LMBRD1: variants seen among roughly 807,000 people sequenced by gnomAD.
LMBRD1 encodes the protein lysosomal cobalamin transport escort protein LMBD1.
A neutral mutation model predicts 74.8 loss-of-function variants in LMBRD1; 64 were observed. The ratio of observed to expected loss-of-function variants is 0.86; its 90% CI spans 0.70 to 1.05. The LOEUF (loss-of-function observed/expected upper bound fraction) is 1.05, where lower values mean the gene tolerates loss of function less well. Among genes scored for constraint, LMBRD1 ranks in the 50% least tolerant of loss-of-function variants. LMBRD1 has a pLI of 0.00. For missense variants in LMBRD1, 652 were observed against 645.9 expected (o/e 1.01, Z -0.10); for synonymous variants, 204 against 216.3 (o/e 0.94, Z 0.50).
In LMBRD1 at chr6:69,692,048, A is replaced by G. The variant is rs547646436; in HGVS notation, c.1417+5515T>C. On this transcript the variant is annotated intron_variant, in intron 14 of 15. Coordinates refer to ENST00000649934, the MANE Select transcript of LMBRD1 (RefSeq NM_018368.4). ...TTTACTTATTCTTTCTTACATTATT[A>G]TTTACAATAATTCTCATTTTCCCCC... Among the ~76,000 whole-genome samples the G allele has an allele frequency of 2.6e-5, 4 of 152,196 alleles. No individual in the cohort carries two copies. In the East Asian group the frequency reaches 7.7e-4, roughly 29 times the overall value.
chr6:69,695,894 A>G (rs749890280), intron 14 of LMBRD1, among the ~76,000 whole-genome samples: 76 of 147,712 alleles, frequency 5.1e-4, no homozygotes, highest in Non-Finnish European at 2.2e-4. Flanking sequence ...CCTGGGTCAG[A>G]GTGCAGTGGC....
intron 9 of LMBRD1, among the ~76,000 whole-genome samples, chr6:69,709,615 G>A (rs1766340108): frequency 6.6e-6 from 1 of 152,148 alleles, no homozygotes; most frequent in Non-Finnish European, 1.5e-5. Context: ...TAAGGAAGAA[G>A]TAAAACTGTC....
chr6:69,785,318 G>A (rs1765922860), intron 2 of LMBRD1, among the ~76,000 whole-genome samples: 1 of 152,114 alleles, frequency 6.6e-6, no homozygotes, highest in Non-Finnish European at 1.5e-5. Flanking sequence ...AGTCTTCCCA[G>A]CTGCTAGTCA....
intron 14 of LMBRD1, among the ~76,000 whole-genome samples, chr6:69,697,302 T>G (rs931502394): frequency 1.3e-5 from 2 of 151,794 alleles, no homozygotes; most frequent in Admixed American, 1.3e-4. Flanking sequence ...CACTTAAGAG[T>G]GATTTCTTAT....
intron 7 of LMBRD1, among the ~76,000 whole-genome samples, chr6:69,722,348 G>C (rs1228628850): frequency 2.0e-5 from 3 of 151,914 alleles, no homozygotes; most frequent in Non-Finnish European, 2.9e-5. Context: ...ATCATGTGAA[G>C]GTACAAAATT....
At chr6:69,758,732 CA>C (rs1328063476) in intron 3 of LMBRD1, among the ~76,000 whole-genome samples, 1 of 152,120 alleles carries the variant, frequency 6.6e-6, no homozygotes, top group Non-Finnish European at 1.5e-5. Flanking sequence ...ATTCCTGAAA[CA>C]GAATTTGGTA....
intron 14 of LMBRD1, among the ~76,000 whole-genome samples, chr6:69,680,230 C>T (rs1765632328): frequency 6.6e-6 from 1 of 152,122 alleles, no homozygotes; most frequent in South Asian, 2.1e-4. Context: ...AGAATGGTAT[C>T]ATTCATGGTT....
In LMBRD1 at chr6:69,753,573, T is replaced by C. The variant is rs7763838; in HGVS notation, c.308-1217A>G. Among the ~76,000 whole-genome samples, 1,056 of 152,292 alleles carry C rather than the reference T, an allele frequency of 6.9e-3. 15 individuals are homozygous for C. Among genetic ancestry groups the C allele is most frequent in the African/African-American group, 0.021 (883 of 41,566 alleles). On this transcript the variant is annotated intron_variant, in intron 3 of 15. Transcript: ENST00000649934. ...ATGGCATTACATATGATCCAGCAATTCTACTTCCAGGTGTATGCACACAAG... is the reference window on the plus strand; with the variant it reads ...ATGGCATTACATATGATCCAGCAATCCTACTTCCAGGTGTATGCACACAAG...
intron 13 of LMBRD1, 44 bp from the exon 14 acceptor site, chr6:69,697,685 A>G: frequency 8.6e-7 from 1 of 1,161,808 alleles, no homozygotes; most frequent in Non-Finnish European, 1.3e-6. Context: ...CCGCATTAAT[A>G]AATACATTTG....
At chr6:69,788,395 A>G (rs1381002386) in intron 2 of LMBRD1, among the ~76,000 whole-genome samples, 1 of 152,160 alleles carries the variant, frequency 6.6e-6, no homozygotes, top group East Asian at 1.9e-4. Context: ...ATTTATAATT[A>G]TGTACTGTAC....
At chr6:69,747,264 C>A (rs988255295) in intron 5 of LMBRD1, among the ~76,000 whole-genome samples, 12 of 152,132 alleles carry the variant, frequency 7.9e-5, no homozygotes, top group Non-Finnish European at 1.3e-4. Context: ...CCCTCCCCTT[C>A]TCTCTCTGCA....
intron 7 of LMBRD1, among the ~76,000 whole-genome samples, chr6:69,731,066 G>A (rs1196513564): frequency 3.3e-5 from 5 of 152,008 alleles, no homozygotes; most frequent in South Asian, 2.1e-4. Flanking sequence ...GTGTATGAGC[G>A]AAAACATGTG....
At chr6:69,698,562 A>G (rs1200793602) in intron 13 of LMBRD1, among the ~76,000 whole-genome samples, 1 of 151,990 alleles carries the variant, frequency 6.6e-6, no homozygotes, top group East Asian at 1.9e-4. Flanking sequence ...TTCGCTTTTG[A>G]GAGATCACCA....
intron 3 of LMBRD1, among the ~76,000 whole-genome samples, chr6:69,755,588 TAAAAAA>T (rs75543340): frequency 7.5e-5 from 10 of 132,852 alleles, no homozygotes; most frequent in Middle Eastern, 3.8e-3. Context: ...TCCCAGAACT[TAAAAAA>T]AAAAAAAAAA....
chr6:69,724,483 C>T (rs556686287), intron 7 of LMBRD1, among the ~76,000 whole-genome samples: 1 of 140,610 alleles, frequency 7.1e-6, no homozygotes, highest in Non-Finnish European at 1.6e-5. Flanking sequence ...CCCTGAGATG[C>T]AAGGGATGGT....
intron 14 of LMBRD1, among the ~76,000 whole-genome samples, chr6:69,696,847 G>A (rs76075627): frequency 0.038 from 5,712 of 152,004 alleles, 163 homozygotes; most frequent in South Asian, 0.078. Flanking sequence ...AATGATTCAC[G>A]CAGAAATACA....
At chr6:69,796,683 T>C in intron 1 of LMBRD1, 130 bp downstream of exon 1, 1 of 658,964 alleles carries the variant, frequency 1.5e-6, no homozygotes, top group South Asian at 1.5e-5. Flanking sequence ...TAAGGAGCCC[T>C]CCACAGTCCA....
intron 6 of LMBRD1, among the ~76,000 whole-genome samples, chr6:69,741,306 C>G (rs774682751): frequency 4.6e-5 from 7 of 151,730 alleles, no homozygotes; most frequent in African/African-American, 7.3e-5. Context: ...AAAAGCAAGC[C>G]TTAAGAATGC....
intron 1 of LMBRD1, among the ~76,000 whole-genome samples, chr6:69,792,988 CATT>C (rs1245562755): frequency 1.3e-5 from 2 of 152,096 alleles, no homozygotes; most frequent in African/African-American, 4.8e-5. Flanking sequence ...TGTTATCAAT[CATT>C]ACTACAATAT....
Sources: gnomAD v4.1 joint callset for allele counts (sites outside exome capture counted in the v4.1 genomes callset) on GRCh38, gnomAD v4.1.1 for gene constraint, MANE v1.5 for transcripts, NCBI Gene and HGNC (gene_info 2026-07-23, HGNC 2026-07-21) for gene names.